Variants in ARHGEF10 observed in about 807,000 individuals in gnomAD.
The protein encoded by ARHGEF10 is Rho guanine nucleotide exchange factor 10, also known as Rho guanine nucleotide exchange factor (GEF) 10.
A neutral mutation model predicts 147.4 loss-of-function variants in ARHGEF10; 140 were observed. That is an observed-to-expected ratio of 0.95 (90% confidence interval 0.83 to 1.09). ARHGEF10 has a LOEUF of 1.09. ARHGEF10 is among the 50% of genes least tolerant of loss of function. ARHGEF10 has a pLI of 0.00. For synonymous variants in ARHGEF10, 902 were observed against 695.8 expected (o/e 1.30, Z -4.67); for missense variants, 2,222 against 1,752.7 (o/e 1.27, Z -4.78).
chr8:1,855,257 C>T (rs10091778), intron 2 of ARHGEF10, among the ~76,000 whole-genome samples: 28,273 of 152,030 alleles, frequency 0.19, 2,808 homozygotes, highest in South Asian at 0.34. Context: ...TTGAGTTCAG[C>T]GGTAGTAAAC....
chr8:1,866,078 A>G (rs1342701611), intron 5 of ARHGEF10, among the ~76,000 whole-genome samples: 1 of 152,158 alleles, frequency 6.6e-6, no homozygotes, highest in Non-Finnish European at 1.5e-5. Flanking sequence ...GCAGAGCACC[A>G]TGGTTTATGC....
intron 20 of ARHGEF10, 21 bp downstream of exon 20, chr8:1,923,616 GA>G (rs1812463177): frequency 1.2e-6 from 2 of 1,614,102 alleles, no homozygotes; most frequent in East Asian, 4.5e-5. Flanking sequence ...GCTTTAAAAC[GA>G]AACCTTCTTG....
chr8:1,900,580 GGGCATGGCCT>G (rs1810371780), intron 15 of ARHGEF10, among the ~76,000 whole-genome samples: 1 of 152,174 alleles, frequency 6.6e-6, no homozygotes, highest in Non-Finnish European at 1.5e-5. Context: ...GCTGTCGGAC[GGGCATGGCCT>G]GCCTGTTACA....
Position 1,882,718 on chromosome 8 carries a change from C to G in ARHGEF10, c.1044C>G (p.Ser348=). Residue 348 remains serine, a synonymous_variant, in exon 10 of 29, where the codon TCC becomes TCG. Coordinates refer to ENST00000349830, the MANE Select transcript of ARHGEF10 (RefSeq NM_014629.4). The stretch of plus-strand genomic sequence containing the variant: ...GGGCAGCCGTGAAGAGGGGCCGCTC[C>G]TTCATCAGGACCAAGTCTCTCATCG... ...RTRAAVKRGR[S]FIRTKSLIAQ... 6.4e-7 allele frequency: 1 copy of G among 1,555,264 alleles called. No homozygotes were observed. Among genetic ancestry groups the G allele is most frequent in the South Asian group, 1.2e-5 (1 of 84,324 alleles).
intron 2 of ARHGEF10, among the ~76,000 whole-genome samples, chr8:1,847,375 C>T (rs1454433776): frequency 6.6e-6 from 1 of 152,214 alleles, no homozygotes; most frequent in Admixed American, 6.5e-5. Flanking sequence ...TCTGGGATTT[C>T]TCAGAATGCA....
At chr8:1,946,001 C>T (rs1308940152) in intron 27 of ARHGEF10, 3 of 446,726 alleles carry the variant, frequency 6.7e-6, no homozygotes, top group Non-Finnish European at 1.2e-5. Context: ...AAGCCAGGAC[C>T]TGAGGCTGAA....
chr8:1,920,504 T>C (rs1380508536), intron 18 of ARHGEF10, among the ~76,000 whole-genome samples: 1 of 77,126 alleles, frequency 1.3e-5, no homozygotes, highest in Non-Finnish European at 2.7e-5. Context: ...TTTTTTAAAC[T>C]CTATGTTTTT....
chr8:1,897,811 G>A (rs1810128677), intron 14 of ARHGEF10, among the ~76,000 whole-genome samples: 1 of 152,188 alleles, frequency 6.6e-6, no homozygotes, highest in Admixed American at 6.5e-5. Flanking sequence ...TCAGCTCGGT[G>A]GCTGCCACGT....
At chr8:1,836,030 A>T (rs1803557558) in intron 1 of ARHGEF10, among the ~76,000 whole-genome samples, 1 of 151,872 alleles carries the variant, frequency 6.6e-6, no homozygotes, top group South Asian at 2.1e-4. Flanking sequence ...AAATACAAAA[A>T]ATTAGCCAGG....
At chr8:1,849,357 A>G (rs1461013975) in intron 2 of ARHGEF10, among the ~76,000 whole-genome samples, 86 of 130,576 alleles carry the variant, frequency 6.6e-4, no homozygotes, top group East Asian at 1.7e-3. Flanking sequence ...CGAGGAGGGC[A>G]TGGGGCGGCC....
intron 27 of ARHGEF10, among the ~76,000 whole-genome samples, chr8:1,949,426 T>C (rs528494841): frequency 1.3e-5 from 2 of 152,312 alleles, no homozygotes; most frequent in African/African-American, 2.4e-5. Flanking sequence ...TTCTAAGTTA[T>C]AAAGGAGTAG....
At chr8:1,853,874 G>C (rs1252716091) in intron 2 of ARHGEF10, among the ~76,000 whole-genome samples, 2 of 152,282 alleles carry the variant, frequency 1.3e-5, no homozygotes, top group South Asian at 2.1e-4. Flanking sequence ...GCTGGCCTCT[G>C]CTGTCATGAG....
chr8:1,882,224 A>C (rs1167635533), intron 9 of ARHGEF10, among the ~76,000 whole-genome samples: 1 of 152,210 alleles, frequency 6.6e-6, no homozygotes, highest in African/African-American at 2.4e-5. Context: ...CCATGCCCCC[A>C]CATGGGGTGC....
chr8:1,911,561 T>C (rs1811355862), intron 18 of ARHGEF10, among the ~76,000 whole-genome samples: 1 of 152,242 alleles, frequency 6.6e-6, no homozygotes. Context: ...CATGGTGCTG[T>C]CTTGCATTTA....
At chr8:1,887,489 G>T (rs1808774635) in intron 11 of ARHGEF10, among the ~76,000 whole-genome samples, 1 of 150,782 alleles carries the variant, frequency 6.6e-6, no homozygotes, top group African/African-American at 2.4e-5. Flanking sequence ...ACACTGAGTG[G>T]GGTGTGAGGG....
At chr8:1,954,351 C>T (rs1815307445) in intron 28 of ARHGEF10, among the ~76,000 whole-genome samples, 2 of 152,184 alleles carry the variant, frequency 1.3e-5, no homozygotes. Flanking sequence ...GCCTTGGCCT[C>T]AGATGCTCCA....
At chr8:1,894,679 TG>T in intron 13 of ARHGEF10, 107 bp downstream of exon 13, 1 of 1,282,730 alleles carries the variant, frequency 7.8e-7, no homozygotes, top group South Asian at 1.2e-5. Flanking sequence ...AGCTGACAAG[TG>T]TGCAGTTCTC....
At chr8:1,951,655 A>G (rs1251190886) in intron 27 of ARHGEF10, among the ~76,000 whole-genome samples, 2 of 152,202 alleles carry the variant, frequency 1.3e-5, no homozygotes, top group Non-Finnish European at 2.9e-5. Flanking sequence ...GAAAAGAATC[A>G]AACTGTTTTT....
intron 26 of ARHGEF10, among the ~76,000 whole-genome samples, chr8:1,938,319 A>G (rs1813789292): frequency 6.6e-6 from 1 of 152,158 alleles, no homozygotes; most frequent in Non-Finnish European, 1.5e-5. Context: ...CGTTGCCTGG[A>G]CAGGTTTCTT....
Sources: gnomAD v4.1 joint callset for allele counts (sites outside exome capture counted in the v4.1 genomes callset) on GRCh38, gnomAD v4.1.1 for gene constraint, MANE v1.5 for transcripts, NCBI Gene and HGNC (gene_info 2026-07-23, HGNC 2026-07-21) for gene names.